The following CCDC171 variants were observed in gnomAD, a reference collection of about 807,000 sequenced individuals.
CCDC171 encodes the protein coiled-coil domain containing 171.
CCDC171 carries 177 observed loss-of-function variants against 168.2 expected under a neutral mutation model. The ratio of observed to expected loss-of-function variants is 1.05; its 90% CI spans 0.93 to 1.19. The LOEUF (loss-of-function observed/expected upper bound fraction) is 1.19. Among genes scored for constraint, CCDC171 ranks in the 50% most tolerant of loss-of-function variants. The pLI, the probability that CCDC171 is intolerant of heterozygous loss-of-function variation, is 0.00. For synonymous variants in CCDC171, 687 were observed against 540.8 expected (o/e 1.27, Z -3.75); for missense variants, 1,991 against 1,539.0 (o/e 1.29, Z -4.91).
chr9:15,804,342 C>T (rs1341315693), intron 21 of CCDC171, among the ~76,000 whole-genome samples: 1 of 152,062 alleles, frequency 6.6e-6, no homozygotes. Flanking sequence ...AGCTTTTGCT[C>T]ATACTGTATG....
At chr9:15,675,560 C>T (rs1215492943) in intron 9 of CCDC171, among the ~76,000 whole-genome samples, 2 of 152,108 alleles carry the variant, frequency 1.3e-5, no homozygotes, top group Non-Finnish European at 2.9e-5. Context: ...TCTTGTAAGG[C>T]AGGCCTGGTG....
At chr9:15,922,234 A>G (rs1401205150) in intron 25 of CCDC171, 1 of 342,326 alleles carries the variant, frequency 2.9e-6, no homozygotes, top group Non-Finnish European at 6.5e-6. Context: ...GCCCAATTCC[A>G]TGTCTTGACA....
At chr9:15,580,100 A>G (rs1300473283) in intron 4 of CCDC171, among the ~76,000 whole-genome samples, 1 of 152,220 alleles carries the variant, frequency 6.6e-6, no homozygotes, top group Non-Finnish European at 1.5e-5. Context: ...GACAAAGCAA[A>G]CAAAAACATA....
intron 18 of CCDC171, among the ~76,000 whole-genome samples, chr9:15,775,011 C>T (rs1174719409): frequency 6.6e-6 from 1 of 152,150 alleles, no homozygotes; most frequent in Non-Finnish European, 1.5e-5. Context: ...GTGTACACTG[C>T]TTGGGTGATG....
At chr9:15,880,544 G>C (rs1305526266) in intron 24 of CCDC171, among the ~76,000 whole-genome samples, 1 of 146,642 alleles carries the variant, frequency 6.8e-6, no homozygotes, top group African/African-American at 2.5e-5. Context: ...CCAACCTCCC[G>C]CAACCGGGTT....
intron 4 of CCDC171, among the ~76,000 whole-genome samples, chr9:15,586,953 G>A (rs2041609385): frequency 6.6e-6 from 1 of 152,090 alleles, no homozygotes; most frequent in Non-Finnish European, 1.5e-5. Flanking sequence ...GACTATAGGT[G>A]TATGCCACCA....
chr9:15,654,519 T>C (rs1371961898), intron 7 of CCDC171, among the ~76,000 whole-genome samples: 1 of 152,258 alleles, frequency 6.6e-6, no homozygotes, highest in Non-Finnish European at 1.5e-5. Flanking sequence ...CACAGACTGC[T>C]TGATTAGTTT....
At position 15,902,353 on chromosome 9, in the gene CCDC171, C is replaced by T. The variant is rs138051990; in HGVS notation, c.3601-17917C>T. ...CACAGTGTCTTTTGAACTTTTGTTACGAATGTAGAAAGTATTTAATATAAA... is the reference window on the plus strand; with the variant it reads ...CACAGTGTCTTTTGAACTTTTGTTATGAATGTAGAAAGTATTTAATATAAA... On this transcript the variant is annotated intron_variant, in intron 24 of 25. Coordinates refer to ENST00000380701, the MANE Select transcript of CCDC171 (RefSeq NM_173550.4). 3.8e-4 allele frequency among the ~76,000 whole-genome samples: 58 copies of T among 150,760 alleles called. No homozygotes were observed. The East Asian group carries it at 6.6e-3, about 17-fold the overall frequency.
chr9:15,636,515 G>C (rs924701651), intron 7 of CCDC171, among the ~76,000 whole-genome samples: 2 of 152,030 alleles, frequency 1.3e-5, no homozygotes, highest in African/African-American at 4.8e-5. Context: ...TTGGGAGACA[G>C]AGGTGGGCAG....
intron 18 of CCDC171, among the ~76,000 whole-genome samples, chr9:15,746,732 A>G (rs1009287367): frequency 1.3e-5 from 2 of 152,186 alleles, no homozygotes; most frequent in Non-Finnish European, 2.9e-5. Context: ...TACCTTGTTC[A>G]TCTCACTGAG....
chr9:16,024,738 T>A (rs1015384013), intron 6 of CCDC171, among the ~76,000 whole-genome samples: 2 of 152,152 alleles, frequency 1.3e-5, no homozygotes, highest in African/African-American at 4.8e-5. Flanking sequence ...CCAAAGGAAG[T>A]TGTAGCCATG....
chr9:15,865,384 T>TTGTGTGTGTG (rs71325943), intron 23 of CCDC171, among the ~76,000 whole-genome samples: 25 of 150,552 alleles, frequency 1.7e-4, no homozygotes, highest in South Asian at 4.2e-4. Flanking sequence ...TTTGTCATAT[T>TTGTGTGTGTG]TGTGTGTGTG....
intron 23 of CCDC171, among the ~76,000 whole-genome samples, chr9:15,854,846 GTTAT>G (rs984032634): frequency 3.6e-4 from 54 of 151,570 alleles, no homozygotes; most frequent in African/African-American, 1.3e-3. Flanking sequence ...TCATTGACTT[GTTAT>G]TTAAGAGTGA....
At chr9:15,760,372 A>G (rs74369340) in intron 18 of CCDC171, among the ~76,000 whole-genome samples, 4,147 of 152,208 alleles carry the variant, frequency 0.027, 216 homozygotes, top group African/African-American at 0.095. Context: ...TATGCATACT[A>G]TTAATTAGGA....
chr9:15,961,502 CAG>C (rs918042462), intron 25 of CCDC171, among the ~76,000 whole-genome samples: 4 of 152,182 alleles, frequency 2.6e-5, no homozygotes, highest in Admixed American at 6.5e-5. Context: ...ACAAATTACT[CAG>C]TGTCATTATT....
chr9:15,608,371 G>T (rs1210493923), intron 6 of CCDC171, among the ~76,000 whole-genome samples: 1 of 152,130 alleles, frequency 6.6e-6, no homozygotes, highest in African/African-American at 2.4e-5. Context: ...TTTTATGTGG[G>T]TATGTATTTA....
chr9:15,971,534 C>A lies in CCDC171; in HGVS notation c.3754-75C>A, dbSNP rs1158306941. The A allele has an allele frequency of 2.8e-5, 24 of 872,368 alleles. No homozygotes were observed. The East Asian group carries it at 5.8e-4, about 21-fold the overall frequency. 54.0% of individuals were successfully genotyped at this position (872,368 alleles called of 1,614,324 possible). On this transcript the variant is annotated intron_variant, in intron 25 of 25. Coordinates refer to ENST00000380701, the MANE Select transcript of CCDC171 (RefSeq NM_173550.4). ...ATTATAATGATTATTAGTCTACTTGCCTGTTTATGGTTTTAGGCTCTATTT... is the reference window on the plus strand; with the variant it reads ...ATTATAATGATTATTAGTCTACTTGACTGTTTATGGTTTTAGGCTCTATTT...
intron 3 of CCDC171, among the ~76,000 whole-genome samples, chr9:16,008,622 G>A (rs1832774359): frequency 6.6e-6 from 1 of 152,094 alleles, no homozygotes; most frequent in Admixed American, 6.6e-5. Flanking sequence ...CCCTGTTCTT[G>A]CCATTTTGTA....
chr9:15,810,629 C>T (rs544260113), intron 21 of CCDC171, among the ~76,000 whole-genome samples: 39 of 152,252 alleles, frequency 2.6e-4, no homozygotes, highest in Non-Finnish European at 4.7e-4. Context: ...GTGCACCCTC[C>T]GCAGCTGCTG....
Sources: gnomAD v4.1 joint callset for allele counts (sites outside exome capture counted in the v4.1 genomes callset) on GRCh38, gnomAD v4.1.1 for gene constraint, MANE v1.5 for transcripts, NCBI Gene and HGNC (gene_info 2026-07-23, HGNC 2026-07-21) for gene names.